The following TNR variants were observed in gnomAD, a reference collection of about 807,000 sequenced individuals.
TNR encodes tenascin R.
Under a neutral mutation model 150.4 loss-of-function variants are expected in TNR, and 45 were observed. The observed-to-expected ratio is 0.30, with a 90% confidence interval of 0.24 to 0.38. The LOEUF (loss-of-function observed/expected upper bound fraction) is 0.38, where lower values mean the gene tolerates loss of function less well. TNR is among the 10% of genes least tolerant of loss of function. The pLI is 1.00. For synonymous variants in TNR, 687 were observed against 678.4 expected, an observed-to-expected ratio of 1.01 and a Z score of -0.20; for missense variants, 1,544 against 1,759.1, an observed-to-expected ratio of 0.88 and a Z score of 2.19.
At position 175,362,683 on chromosome 1, in the gene TNR, A is replaced by T; in HGVS notation, c.2834T>A (p.Ile945Asn). ...CCCACCTGTGTGCACAAGAGTACAG[A>T]TGCGCTCGCTTTCCTCCCTGCCCCG... Reference protein sequence around the residue: ...SVRGREESERICTLVHTAMDN... With the variant: ...SVRGREESERNCTLVHTAMDN... The change falls in exon 14 of 23, where the codon ATC becomes AAC. Residue 945 changes from isoleucine to asparagine, a missense_variant. Ile to Asn is a moderately radical substitution (Grantham distance 149, BLOSUM62 -3). Transcript: ENST00000367674. 5 of 1,614,078 alleles carry T rather than the reference A, an allele frequency of 3.1e-6. No homozygotes were observed. Among genetic ancestry groups the T allele is most frequent in the Non-Finnish European group, 4.2e-6 (5 of 1,179,964 alleles).
rs566997835 is a variant in TNR at position 175,401,704 on chromosome 1, C to T, written c.976+1436G>A. ...ACATGTGCGGGAACATTGCCTGCCA[C>T]GTAGGAGTGAGTAACTCTGGCTTAC... On this transcript the variant is annotated intron_variant, in intron 4 of 22. Coordinates refer to ENST00000367674, the MANE Select transcript of TNR (RefSeq NM_003285.3). 4.6e-5 allele frequency among the ~76,000 whole-genome samples: 7 copies of T among 152,224 alleles called. No homozygotes were observed. In the South Asian group the frequency reaches 8.3e-4, roughly 18 times the overall value.
At chr1:175,721,225 A>G (rs1667289963) in intron 1 of TNR, among the ~76,000 whole-genome samples, 1 of 152,146 alleles carries the variant, frequency 6.6e-6, no homozygotes. Context: ...GTGAGTCTCT[A>G]ACAAATCACC....
chr1:175,463,468 A>G (rs574108348), intron 2 of TNR, among the ~76,000 whole-genome samples: 18 of 152,374 alleles, frequency 1.2e-4, no homozygotes, highest in African/African-American at 4.1e-4. Context: ...CTGTCTTCTC[A>G]CATTGACAAT....
chr1:175,474,784 A>G (rs1657473218), intron 2 of TNR, among the ~76,000 whole-genome samples: 1 of 152,204 alleles, frequency 6.6e-6, no homozygotes, highest in Admixed American at 6.5e-5. Context: ...AAATGTTTGC[A>G]TAGGTAGGAA....
chr1:175,417,567 C>A (rs1457493347), intron 2 of TNR, among the ~76,000 whole-genome samples: 1 of 152,130 alleles, frequency 6.6e-6, no homozygotes, highest in Non-Finnish European at 1.5e-5. Context: ...TCTGGAAACA[C>A]TACTAATATG....
At chr1:175,369,757 T>C (rs1652010790) in intron 9 of TNR, among the ~76,000 whole-genome samples, 1 of 152,194 alleles carries the variant, frequency 6.6e-6, no homozygotes, top group African/African-American at 2.4e-5. Context: ...AGCTGTGATT[T>C]CTCTGGAATC....
intron 8 of TNR, 26 bp downstream of exon 8, chr1:175,386,006 G>A (rs1442581395): frequency 6.5e-7 from 1 of 1,536,760 alleles, no homozygotes; most frequent in Admixed American, 2.0e-5. Context: ...CCCTCCTTGT[G>A]CGTCTCTCCC....
At chr1:175,361,673 G>A (rs910749453) in intron 14 of TNR, among the ~76,000 whole-genome samples, 20 of 152,200 alleles carry the variant, frequency 1.3e-4, no homozygotes, top group African/African-American at 4.8e-4. Flanking sequence ...CCATTCTCCA[G>A]TGAAATTAAG....
chr1:175,412,213 T>G (rs568541203), intron 2 of TNR, among the ~76,000 whole-genome samples: 2 of 152,342 alleles, frequency 1.3e-5, no homozygotes, highest in Non-Finnish European at 2.9e-5. Context: ...CCATGGTCTG[T>G]GCTCTTAGTG....
rs561737541 is a variant in TNR, at chr1:175,489,806, T to C, written c.-64+38463A>G. On this transcript the variant is annotated intron_variant, in intron 2 of 22. Coordinates refer to ENST00000367674, the MANE Select transcript of TNR (RefSeq NM_003285.3). ...AATCCTATATACATACATATACATA[T>C]ATGTACACACATACTTTTTTCCAAC... Among the ~76,000 whole-genome samples, 17 of 152,372 alleles carry C rather than the reference T, an allele frequency of 1.1e-4. No individual in the cohort carries two copies. The South Asian group carries it at 3.3e-3, about 30-fold the overall frequency.
At chr1:175,524,521 G>A (rs1659775589) in intron 2 of TNR, among the ~76,000 whole-genome samples, 1 of 152,036 alleles carries the variant, frequency 6.6e-6, no homozygotes, top group Admixed American at 6.6e-5. Context: ...GAGAGCAATG[G>A]GTGGATCAGG....
In TNR at chr1:175,379,564, C is replaced by T. The variant is rs915638796; in HGVS notation, c.1951G>A (p.Ala651Thr). The T allele has an allele frequency of 6.2e-7, 1 of 1,613,030 alleles. No individual in the cohort carries two copies. Among genetic ancestry groups the T allele is most frequent in the Non-Finnish European group, 8.5e-7 (1 of 1,179,886 alleles). ...AGGTCTTACTCACCTGTCAGGGTGG[C>T]CCTGGTGGTTGGACCAATGCCCCTG... ...VPRGIGPTTR[A>T]TLTDLVPGTE... The change falls in exon 9 of 23, where the codon GCC becomes ACC. Residue 651 changes from alanine to threonine, a missense_variant. By Grantham distance (58) the Ala-to-Thr change is moderately conservative. Around this residue, in one of 2 missense-constraint regions of TNR, gnomAD observed 1,254 missense variants for 1,329.4 expected, o/e 0.94. Transcript: ENST00000367674.
intron 1 of TNR, among the ~76,000 whole-genome samples, chr1:175,647,079 G>A (rs1664830660): frequency 6.6e-6 from 1 of 152,214 alleles, no homozygotes; most frequent in Non-Finnish European, 1.5e-5. Flanking sequence ...CCACAGACAA[G>A]CTTCACACCA....
chr1:175,366,927 T>C (rs77163678), intron 10 of TNR, among the ~76,000 whole-genome samples: 12,620 of 152,250 alleles, frequency 0.083, 560 homozygotes, highest in Middle Eastern at 0.092. Context: ...GGCATCAACC[T>C]ATTTAGGATT....
intron 2 of TNR, among the ~76,000 whole-genome samples, chr1:175,492,481 A>G (rs1384531560): frequency 6.6e-6 from 1 of 152,170 alleles, no homozygotes; most frequent in Non-Finnish European, 1.5e-5. Flanking sequence ...GTTTCTAACA[A>G]AGGTTTTCTG....
At chr1:175,519,560 C>T (rs907711239) in intron 2 of TNR, among the ~76,000 whole-genome samples, 3 of 152,208 alleles carry the variant, frequency 2.0e-5, no homozygotes, top group African/African-American at 7.2e-5. Context: ...AGCTCTTCCT[C>T]TTCATGGAGA....
intron 1 of TNR, among the ~76,000 whole-genome samples, chr1:175,711,604 C>T (rs1241124905): frequency 6.6e-6 from 1 of 152,068 alleles, no homozygotes; most frequent in African/African-American, 2.4e-5. Context: ...AGGGCAGGAG[C>T]GAGGGACTGG....
chr1:175,405,648 T>C (rs565236129), intron 3 of TNR, among the ~76,000 whole-genome samples: 303 of 143,220 alleles, frequency 2.1e-3, no homozygotes, highest in African/African-American at 7.5e-3. Context: ...TGTGTGTGTG[T>C]GCATACGCTT....
chr1:175,656,126 G>A (rs547503431), intron 1 of TNR, among the ~76,000 whole-genome samples: 3 of 150,514 alleles, frequency 2.0e-5, no homozygotes, highest in African/African-American at 4.9e-5. Context: ...AGGGGAAGAC[G>A]GGGAGGAAGG....
Sources: gnomAD v4.1 joint callset for allele counts (sites outside exome capture counted in the v4.1 genomes callset) on GRCh38, gnomAD v4.1.1 for gene constraint, gnomAD v4.1.1 regional missense constraint, MANE v1.5 for transcripts, NCBI Gene and HGNC (gene_info 2026-07-23, HGNC 2026-07-21) for gene names.